Variants in PTPRM observed in about 807,000 individuals in gnomAD.
PTPRM encodes the protein protein tyrosine phosphatase receptor type M.
PTPRM carries 47 observed loss-of-function variants against 186.7 expected under a neutral mutation model. The ratio of observed to expected loss-of-function variants is 0.25; its 90% CI spans 0.20 to 0.32. PTPRM has a LOEUF of 0.32. Ranked by LOEUF, PTPRM falls within the 10% of genes least tolerant of loss-of-function variation. The pLI is 1.00. For synonymous variants in PTPRM, 668 were observed against 674.9 expected, an observed-to-expected ratio of 0.99 and a Z score of 0.16; for missense variants, 1,494 against 1,865.0, an observed-to-expected ratio of 0.80 and a Z score of 3.66.
At chr18:8,071,748 G>A (rs1402637943) in intron 8 of PTPRM, among the ~76,000 whole-genome samples, 1 of 152,126 alleles carries the variant, frequency 6.6e-6, no homozygotes, top group Non-Finnish European at 1.5e-5. Context: ...TCTCAAGCTC[G>A]CCTACTCTGC....
intron 14 of PTPRM, among the ~76,000 whole-genome samples, chr18:8,201,871 GTCATT>G (rs1403450194): frequency 6.6e-6 from 1 of 152,146 alleles, no homozygotes; most frequent in Non-Finnish European, 1.5e-5. Context: ...TGCACAGTCC[GTCATT>G]TCATTTCAAC....
At chr18:7,676,443 T>C (rs1056503311) in intron 1 of PTPRM, among the ~76,000 whole-genome samples, 1 of 152,112 alleles carries the variant, frequency 6.6e-6, no homozygotes, top group Non-Finnish European at 1.5e-5. Context: ...GTGTTCAGCT[T>C]GCAAAGGACA....
intron 19 of PTPRM, among the ~76,000 whole-genome samples, chr18:8,285,539 C>T (rs1158934598): frequency 1.3e-5 from 2 of 152,298 alleles, no homozygotes; most frequent in South Asian, 2.1e-4. Context: ...ACTTTTGATT[C>T]GCCAGGGAAC....
At chr18:8,280,939 A>G (rs554190350) in intron 19 of PTPRM, among the ~76,000 whole-genome samples, 16 of 152,342 alleles carry the variant, frequency 1.1e-4, no homozygotes, top group Admixed American at 5.2e-4. Flanking sequence ...AATCTCACAT[A>G]TTAGAGATGT....
rs755301526 is a variant in PTPRM at position 8,343,347 on chromosome 18, G to T, written c.2957-76G>T. 5 of 1,259,160 alleles carry T rather than the reference G, an allele frequency of 4.0e-6. No individual in the cohort carries two copies. The Admixed American group carries it at 9.1e-5, about 23-fold the overall frequency. 78.0% of individuals were successfully genotyped at this position (1,259,160 alleles called of 1,614,324 possible). The stretch of plus-strand genomic sequence containing the variant: ...GAACTGCATGTGGGTATTAATAGAT[G>T]TATTTGTAAGCCCCGGAAATTTTCC... On this transcript the variant is annotated intron_variant, in intron 22 of 32. Transcript: ENST00000580170.
chr18:7,679,143 AG>A, intron 1 of PTPRM, among the ~76,000 whole-genome samples: 1 of 152,336 alleles, frequency 6.6e-6, no homozygotes, highest in South Asian at 2.1e-4. Flanking sequence ...CATAGAGTCA[AG>A]TGTTGTAATG....
At chr18:7,894,595 ATAT>A (rs2049255513) in intron 3 of PTPRM, among the ~76,000 whole-genome samples, 1 of 150,680 alleles carries the variant, frequency 6.6e-6, no homozygotes, top group East Asian at 1.9e-4. Flanking sequence ...CAGGAAAAAT[ATAT>A]ATATATATAT....
chr18:7,758,182 A>C (rs1256471799), intron 1 of PTPRM, among the ~76,000 whole-genome samples: 1 of 152,170 alleles, frequency 6.6e-6, no homozygotes, highest in African/African-American at 2.4e-5. Flanking sequence ...ACCTCTAAGA[A>C]AGGAATTATA....
At chr18:8,368,794 T>A (rs1246839113) in intron 23 of PTPRM, among the ~76,000 whole-genome samples, 3 of 152,236 alleles carry the variant, frequency 2.0e-5, no homozygotes, top group Non-Finnish European at 4.4e-5. Context: ...TGCATAAAAT[T>A]CAGTTTTATA....
intron 13 of PTPRM, among the ~76,000 whole-genome samples, chr18:8,133,095 C>T (rs1041541755): frequency 2.0e-5 from 3 of 152,162 alleles, no homozygotes; most frequent in Non-Finnish European, 4.4e-5. Flanking sequence ...TCAGACCAAA[C>T]TCATCCTTTT....
intron 21 of PTPRM, among the ~76,000 whole-genome samples, chr18:8,315,484 C>A (rs2095302643): frequency 6.6e-6 from 1 of 152,102 alleles, no homozygotes; most frequent in South Asian, 2.1e-4. Flanking sequence ...AGAATAAATT[C>A]TTTAGGAGAC....
chr18:8,376,578 T>C lies in PTPRM; in HGVS notation c.3443T>C (p.Val1148Ala). The part of the protein sequence containing the change: ...NCVRELRSRR[V>A]NMVQTEEQYV... ...GTCAGGGAGCTGCGGTCACGGAGGG[T>C]GAACATGGTGCAAACAGAGGTACTC... Residue 1148 changes from valine (V) to alanine (A), a missense_variant, in exon 26 of 33, where the codon GTG (valine) becomes GCG (alanine). Around this residue, in one of 3 missense-constraint regions of PTPRM, gnomAD observed 1,107 missense variants for 1,350.2 expected, o/e 0.82. Coordinates refer to ENST00000580170, the MANE Select transcript of PTPRM (RefSeq NM_001105244.2). 1 of 1,613,348 alleles carries C rather than the reference T, an allele frequency of 6.2e-7. No individual in the cohort carries two copies. The highest frequency in any genetic ancestry group is 8.5e-7 in the Non-Finnish European group (1 of 1,179,890).
intron 7 of PTPRM, among the ~76,000 whole-genome samples, chr18:8,029,909 G>A (rs1244431915): frequency 6.6e-6 from 1 of 152,182 alleles, no homozygotes. Context: ...TGGCCTGTCT[G>A]CATGCCTCGG....
intron 1 of PTPRM, among the ~76,000 whole-genome samples, chr18:7,599,859 G>A (rs541666886): frequency 1.3e-5 from 2 of 152,294 alleles, no homozygotes; most frequent in African/African-American, 4.8e-5. Flanking sequence ...AAGCACACTT[G>A]ACCTTCACCT....
At chr18:7,995,996 G>T (rs1293647824) in intron 7 of PTPRM, among the ~76,000 whole-genome samples, 1 of 151,938 alleles carries the variant, frequency 6.6e-6, no homozygotes, top group Admixed American at 6.6e-5. Flanking sequence ...GTATTCCTTG[G>T]TTTTTCTGGG....
intron 7 of PTPRM, among the ~76,000 whole-genome samples, chr18:8,001,602 C>T (rs2083878293): frequency 6.6e-6 from 1 of 151,932 alleles, no homozygotes; most frequent in African/African-American, 2.4e-5. Flanking sequence ...TAGAGTTATT[C>T]TCAGGTATGT....
intron 19 of PTPRM, among the ~76,000 whole-genome samples, chr18:8,274,878 C>T (rs974925648): frequency 5.3e-5 from 8 of 152,196 alleles, no homozygotes; most frequent in African/African-American, 1.9e-4. Context: ...TTTTGAGTGA[C>T]ATCAGACACC....
At chr18:7,836,408 T>G (rs1293983709) in intron 2 of PTPRM, among the ~76,000 whole-genome samples, 1 of 152,216 alleles carries the variant, frequency 6.6e-6, no homozygotes. Flanking sequence ...TTTTGTAGTT[T>G]CTGTTTATAT....
chr18:8,123,591 G>A (rs1228539438), intron 13 of PTPRM, among the ~76,000 whole-genome samples: 1 of 152,194 alleles, frequency 6.6e-6, no homozygotes, highest in African/African-American at 2.4e-5. Flanking sequence ...TCTTTTAAGA[G>A]TATTTCTTTT....
Sources: allele counts gnomAD v4.1 joint callset (sites outside exome capture counted in the v4.1 genomes callset), GRCh38; gene constraint gnomAD v4.1.1; regional missense constraint gnomAD v4.1.1; transcripts MANE v1.5; gene names NCBI Gene and HGNC (gene_info 2026-07-23, HGNC 2026-07-21).